The following NFAT5 variants were observed in gnomAD, a reference collection of about 807,000 sequenced individuals.
NFAT5 encodes the protein nuclear factor of activated T cells 5.
In NFAT5, 31 loss-of-function variants were observed where a neutral mutation model predicts 166.5. The observed-to-expected ratio is 0.19, with a 90% CI of 0.14 to 0.25. The LOEUF is 0.25. Ranked by LOEUF, NFAT5 falls within the 10% of genes least tolerant of loss-of-function variation. The probability of loss-of-function intolerance (pLI) is 1.00; values close to 1 mark genes in which losing one functional copy is unlikely to be tolerated. For synonymous variants in NFAT5, 612 were observed against 639.7 expected (o/e 0.96, Z 0.65); for missense variants, 1,449 against 1,821.8 (o/e 0.80, Z 3.72).
chr16:69,674,179 G>A (rs550525183), intron 9 of NFAT5, among the ~76,000 whole-genome samples: 3 of 150,088 alleles, frequency 2.0e-5, no homozygotes, highest in Non-Finnish European at 4.4e-5. Flanking sequence ...GGAGGCGGAG[G>A]TTGCAGTGAG....
chr16:69,652,384 A>G (rs1052306057), intron 4 of NFAT5, among the ~76,000 whole-genome samples: 1 of 151,708 alleles, frequency 6.6e-6, no homozygotes, highest in African/African-American at 2.4e-5. Context: ...CCCAGGAAAC[A>G]GAGGTTACAG....
At chr16:69,688,799 TA>T (rs1471268330) in intron 11 of NFAT5, among the ~76,000 whole-genome samples, 1 of 152,256 alleles carries the variant, frequency 6.6e-6, no homozygotes, top group African/African-American at 2.4e-5. Flanking sequence ...CAACAGGTGA[TA>T]ACAACATCTG....
rs1262592880 is a variant in NFAT5, at chr16:69,702,046, A to T, written c.*5695A>T. 1 of 152,642 alleles carries T rather than the reference A, an allele frequency of 6.6e-6. No individual in the cohort carries two copies. The highest frequency in any genetic ancestry group is 1.5e-5 in the Non-Finnish European group (1 of 68,042). The allele number at this position is 152,642 out of a possible 1,614,324, so 9.5% of individuals were successfully genotyped here. On this transcript the variant is annotated 3_prime_UTR_variant, in exon 15 of 15. Transcript: ENST00000349945. The stretch of plus-strand genomic sequence containing the variant: ...AAGAAAGGATCATCAGCAACAGGTC[A>T]GGATAGTTCTACCTTTGGGATAGGG...
intron 3 of NFAT5, 51 bp from the exon 4 acceptor site, chr16:69,646,977 G>A: frequency 7.1e-7 from 1 of 1,403,604 alleles, no homozygotes; most frequent in East Asian, 2.3e-5. Flanking sequence ...CTGCTAGCCA[G>A]CATAGGTGAA....
intron 3 of NFAT5, among the ~76,000 whole-genome samples, chr16:69,637,691 C>T (rs956567315): frequency 6.6e-6 from 1 of 152,132 alleles, no homozygotes; most frequent in Admixed American, 6.6e-5. Context: ...CCTCCTGGGT[C>T]CATCCTGTGA....
At chr16:69,662,817 C>T (rs1382290017) in intron 7 of NFAT5, among the ~76,000 whole-genome samples, 5 of 152,014 alleles carry the variant, frequency 3.3e-5, no homozygotes, top group Admixed American at 1.3e-4. Flanking sequence ...TGAATTTTAT[C>T]CTGACCACTT....
At chr16:69,574,626 T>G (rs1053861372) in intron 2 of NFAT5, among the ~76,000 whole-genome samples, 1 of 152,174 alleles carries the variant, frequency 6.6e-6, no homozygotes. Flanking sequence ...TCAGTTACTT[T>G]TATTTGTTCT....
In NFAT5 at chr16:69,637,747, G is replaced by A. The variant is rs545888758; in HGVS notation, c.254-9281G>A. Among the ~76,000 whole-genome samples the A allele has an allele frequency of 1.2e-4, 18 of 152,150 alleles. No individual in the cohort carries two copies. In the South Asian group the frequency reaches 2.1e-3, roughly 18 times the overall value. On this transcript the variant is annotated intron_variant, in intron 3 of 14. Coordinates refer to ENST00000349945, the MANE Select transcript of NFAT5 (RefSeq NM_138713.4). ...AAAATTCAAGTTGAGATTTGGGTGG[G>A]GATACATAGCTAAACCATATCAGAA...
chr16:69,663,303 T>C (rs2036226129), intron 7 of NFAT5, among the ~76,000 whole-genome samples: 1 of 152,206 alleles, frequency 6.6e-6, no homozygotes, highest in East Asian at 1.9e-4. Context: ...CCTTTGTCTT[T>C]TTGTTTTTAA....
At chr16:69,623,236 A>G (rs2034284435) in intron 2 of NFAT5, among the ~76,000 whole-genome samples, 1 of 152,184 alleles carries the variant, frequency 6.6e-6, no homozygotes, top group Non-Finnish European at 1.5e-5. Flanking sequence ...TTGTATTACA[A>G]TGAATATTTG....
intron 11 of NFAT5, chr16:69,685,188 ATAT>A (rs1272763554): frequency 0.034 from 3,148 of 93,482 alleles, 106 homozygotes; most frequent in African/African-American, 0.1. Flanking sequence ...ATATATATAT[ATAT>A]TTTTTTTTTT....
intron 2 of NFAT5, among the ~76,000 whole-genome samples, chr16:69,594,597 A>G (rs1349780047): frequency 1.3e-5 from 2 of 152,174 alleles, no homozygotes; most frequent in Non-Finnish European, 2.9e-5. Flanking sequence ...CCACTGTCAT[A>G]TATGTGATCC....
At chr16:69,667,597 G>A (rs1439833672) in intron 7 of NFAT5, among the ~76,000 whole-genome samples, 1 of 151,872 alleles carries the variant, frequency 6.6e-6, no homozygotes, top group African/African-American at 2.4e-5. Context: ...TCATTTGGCT[G>A]TCTTATGCCT....
chr16:69,585,804 A>G (rs537463194), intron 2 of NFAT5, among the ~76,000 whole-genome samples: 5 of 152,342 alleles, frequency 3.3e-5, no homozygotes, highest in Admixed American at 2.6e-4. Context: ...GCAGAGAAAG[A>G]AAGTAGAATA....
intron 3 of NFAT5, among the ~76,000 whole-genome samples, chr16:69,637,433 A>G (rs994119747): frequency 4.0e-5 from 6 of 151,594 alleles, no homozygotes; most frequent in Non-Finnish European, 7.4e-5. Context: ...GTCCATTTTC[A>G]TGCTGCTGAT....
In NFAT5 at chr16:69,700,870, C is replaced by T. The variant is rs543396709; in HGVS notation, c.*4519C>T. On this transcript the variant is annotated 3_prime_UTR_variant, in exon 15 of 15. Transcript: ENST00000349945. ...AGAGCAAAATTGTAGAGATAATGCT[C>T]ATAATGCAGTAAATATCAGAATAAT... is the stretch of plus-strand genomic sequence containing the variant. 5.3e-5 allele frequency: 8 copies of T among 151,960 alleles called. No individual in the cohort carries two copies. The East Asian group carries it at 1.4e-3, about 26-fold the overall frequency. 9.4% of individuals were successfully genotyped at this position (151,960 alleles called of 1,614,324 possible). A position where few individuals can be genotyped will look rare whatever the true frequency, so the allele number is the denominator to read the frequency against.
intron 2 of NFAT5, among the ~76,000 whole-genome samples, chr16:69,575,813 TA>T (rs1292249516): frequency 6.6e-6 from 1 of 152,182 alleles, no homozygotes; most frequent in Non-Finnish European, 1.5e-5. Context: ...ATTTTACATA[TA>T]TTTTTCACAT....
rs553796229 is a variant in NFAT5, at chr16:69,608,312, A to G, written c.128-18091A>G. 4.6e-5 allele frequency among the ~76,000 whole-genome samples: 7 copies of G among 152,040 alleles called. No individual in the cohort carries two copies. In the East Asian group the frequency reaches 1.2e-3, roughly 25 times the overall value. On this transcript the variant is annotated intron_variant, in intron 2 of 14. Coordinates refer to ENST00000349945, the MANE Select transcript of NFAT5 (RefSeq NM_138713.4). ...CACATGCATACATACAATGATCACT[A>G]CTCAACTAGATACTCTAAGGAGATC...
chr16:69,688,213 A>AC (rs1389730091), intron 11 of NFAT5, among the ~76,000 whole-genome samples: 2,175 of 95,912 alleles, frequency 0.023, 194 homozygotes, highest in Admixed American at 0.17. Flanking sequence ...AAAAAAAAAA[A>AC]AAAAAAAAAA....
Sources: allele counts gnomAD v4.1 joint callset (sites outside exome capture counted in the v4.1 genomes callset), GRCh38; gene constraint gnomAD v4.1.1; transcripts MANE v1.5; gene names NCBI Gene and HGNC (gene_info 2026-07-23, HGNC 2026-07-21).